TNS1: variants seen among roughly 807,000 people sequenced by gnomAD.
TNS1 encodes the protein tensin-1.
Under a neutral mutation model 168.6 loss-of-function variants are expected in TNS1, and 62 were observed. The observed-to-expected ratio is 0.37, with a 90% CI of 0.30 to 0.45. The LOEUF (loss-of-function observed/expected upper bound fraction) is 0.45, where lower values mean the gene tolerates loss of function less well. Among genes scored for constraint, TNS1 ranks in the 20% least tolerant of loss-of-function variants. The probability of loss-of-function intolerance (pLI) is 1.00; values close to 1 mark genes in which losing one functional copy is unlikely to be tolerated. For synonymous variants in TNS1, 934 were observed against 933.2 expected (o/e 1.00, Z -0.02); for missense variants, 2,240 against 2,339.4 (o/e 0.96, Z 0.88).
chr2:217,968,716 T>A lies in TNS1; in HGVS notation c.186+10049A>T, dbSNP rs186981668. On this transcript the variant is annotated intron_variant, in intron 3 of 32. Coordinates refer to ENST00000682258, the MANE Select transcript of TNS1 (RefSeq NM_001387777.1). Reference sequence around the variant, plus strand: ...TGGTGTTTTTTGTTTCCTGTTTTGATCAAAGTCTCACTCTGTCACCCAGGC... The same window carrying A: ...TGGTGTTTTTTGTTTCCTGTTTTGAACAAAGTCTCACTCTGTCACCCAGGC... Among the ~76,000 whole-genome samples the A allele has an allele frequency of 3.9e-3, 592 of 152,222 alleles. 14 individuals are homozygous for A. The highest frequency in any genetic ancestry group is 8.4e-4 in the Non-Finnish European group (57 of 68,000).
At chr2:217,835,777 C>G (rs562510464) in intron 20 of TNS1, among the ~76,000 whole-genome samples, 30 of 152,298 alleles carry the variant, frequency 2.0e-4, no homozygotes, top group African/African-American at 7.2e-4. Context: ...TTAAGGCACT[C>G]TCTCTAGGAA....
At position 217,906,388 on chromosome 2, in the gene TNS1, GCAGA is replaced by G. The variant is rs1438554596; in HGVS notation, c.271-7_271-4del. ...CCACCCCGGGAGGCTCCTTCTCCCT[GCAGA>G]CAGAGAAAAGGCAGTCAGAGAGGGG... is the stretch of plus-strand genomic sequence containing the variant. On this transcript the variant is annotated splice_region_variant and splice_polypyrimidine_tract_variant and intron_variant, in intron 5 of 32. Transcript: ENST00000682258. The G allele has an allele frequency of 1.4e-6, 1 of 702,152 alleles. No homozygotes were observed. Among genetic ancestry groups the G allele is most frequent in the East Asian group, 2.7e-5 (1 of 37,246 alleles). The allele number at this position is 702,152 out of a possible 1,614,324, so 43.5% of individuals were successfully genotyped here.
Position 217,829,682 on chromosome 2 carries a change from T to C in TNS1, c.3373+1773A>G, listed in dbSNP as rs546355732. Among the ~76,000 whole-genome samples, 5 of 152,122 alleles carry C rather than the reference T, an allele frequency of 3.3e-5. No homozygotes were observed. The East Asian group carries it at 9.7e-4, about 30-fold the overall frequency. On this transcript the variant is annotated intron_variant, in intron 22 of 32. Transcript: ENST00000682258. Reference sequence around the variant, plus strand: ...ATCAGGACTCAGGAGGTGTCCAGGGTGGTATCTCATCACCAAGCGTTGGGG... The same window carrying C: ...ATCAGGACTCAGGAGGTGTCCAGGGCGGTATCTCATCACCAAGCGTTGGGG...
chr2:217,866,996 G>C (rs1018346144), intron 18 of TNS1, among the ~76,000 whole-genome samples: 3 of 152,230 alleles, frequency 2.0e-5, no homozygotes, highest in Non-Finnish European at 4.4e-5. Context: ...AATGGTGGGT[G>C]TCAGAATCCA....
chr2:217,959,924 G>C (rs1957457122), intron 3 of TNS1, among the ~76,000 whole-genome samples: 1 of 152,148 alleles, frequency 6.6e-6, no homozygotes. Context: ...CTGAGGTCAG[G>C]CCCTATTCAG....
intron 4 of TNS1, among the ~76,000 whole-genome samples, chr2:217,916,638 C>A (rs899593907): frequency 6.6e-6 from 1 of 152,198 alleles, no homozygotes; most frequent in Non-Finnish European, 1.5e-5. Context: ...TCCCTTCTAC[C>A]CAAGGCCTTG....
intron 3 of TNS1, among the ~76,000 whole-genome samples, chr2:217,978,070 T>C (rs1957938445): frequency 1.3e-5 from 2 of 152,122 alleles, no homozygotes; most frequent in South Asian, 2.1e-4. Flanking sequence ...ATGACTCCTG[T>C]GTCCAAACCT....
In TNS1 at chr2:217,810,231, T is replaced by G. The variant is rs370982132; in HGVS notation, c.5104+17A>C. On this transcript the variant is annotated intron_variant, in intron 29 of 32. Coordinates refer to ENST00000682258, the MANE Select transcript of TNS1 (RefSeq NM_001387777.1). Reference sequence around the variant, plus strand: ...AGAGAGGCCTGGGCATGGGTACAGTTTCAGGTGACCACTCACCTGCCCCTT... The same window carrying G: ...AGAGAGGCCTGGGCATGGGTACAGTGTCAGGTGACCACTCACCTGCCCCTT... 7.3e-5 allele frequency: 118 copies of G among 1,613,256 alleles called. No homozygotes were observed. In the African/African-American group the frequency reaches 1.5e-3, roughly 20 times the overall value.
At position 218,002,917 on chromosome 2, in the gene TNS1, A is replaced by G; in HGVS notation, c.-45T>C. On this transcript the variant is annotated 5_prime_UTR_variant, in exon 1 of 33. Transcript: ENST00000682258. ...TGAGGCACGCCCAGGGCCTGTGAAG[A>G]GCCCCTGAAGCTAGAGTCCCCGCGG... 1 of 456,602 alleles carries G rather than the reference A, an allele frequency of 2.2e-6. No homozygotes were observed. The highest frequency in any genetic ancestry group is 4.4e-6 in the Non-Finnish European group (1 of 226,922). 28.3% of individuals were successfully genotyped at this position (456,602 alleles called of 1,614,324 possible).
chr2:217,836,041 G>C lies in TNS1; in HGVS notation c.3178C>G (p.Leu1060Val), dbSNP rs1304192132. The C allele has an allele frequency of 3.7e-6, 6 of 1,613,866 alleles. No individual in the cohort carries two copies. The highest frequency in any genetic ancestry group is 1.6e-4 in the Middle Eastern group (1 of 6,078). ...VSPELALTIA[L>V]NPGGRPKEPH... is the part of the protein sequence containing the mutation. ...TCTTTGGGCCGCCCTCCAGGATTGAGAGCGATGGTAAGAGCCAGCTCCGGG... is the reference window on the plus strand; with the variant it reads ...TCTTTGGGCCGCCCTCCAGGATTGACAGCGATGGTAAGAGCCAGCTCCGGG... The change falls in exon 20 of 33, where the codon CTC becomes GTC. Residue 1060 changes from leucine to valine, a missense_variant. Around this residue, in one of 2 missense-constraint regions of TNS1, gnomAD observed 2,131 missense variants for 2,171.2 expected, o/e 0.98. Transcript: ENST00000682258.
chr2:217,992,887 A>C (rs1440264604), intron 1 of TNS1, among the ~76,000 whole-genome samples: 2 of 152,228 alleles, frequency 1.3e-5, no homozygotes, highest in Non-Finnish European at 2.9e-5. Context: ...ATCAAAATAC[A>C]TGATGATAGG....
At chr2:217,883,293 C>A (rs973079797) in intron 16 of TNS1, among the ~76,000 whole-genome samples, 3 of 152,142 alleles carry the variant, frequency 2.0e-5, no homozygotes, top group African/African-American at 7.2e-5. Context: ...GAGACCAGGT[C>A]TCACTCTGTT....
chr2:217,823,529 G>C (rs1047339433), intron 22 of TNS1, among the ~76,000 whole-genome samples: 5 of 152,296 alleles, frequency 3.3e-5, no homozygotes, highest in African/African-American at 1.2e-4. Flanking sequence ...AGTGGCTTCT[G>C]GGGTGGCCCT....
chr2:218,018,196 C>T (rs1958779193), intron 1 of TNS1, among the ~76,000 whole-genome samples: 1 of 152,160 alleles, frequency 6.6e-6, no homozygotes, highest in Non-Finnish European at 1.5e-5. Context: ...CAGGCTAGGA[C>T]TAAAGCAAAA....
intron 3 of TNS1, among the ~76,000 whole-genome samples, chr2:217,938,443 C>T (rs1408802736): frequency 6.6e-6 from 1 of 152,226 alleles, no homozygotes; most frequent in African/African-American, 2.4e-5. Context: ...ATATGGCATG[C>T]AGGAAGAGTG....
chr2:217,961,260 C>CACACAGAGAG (rs1553620892), intron 3 of TNS1, among the ~76,000 whole-genome samples: 1 of 139,924 alleles, frequency 7.1e-6, no homozygotes, highest in African/African-American at 2.9e-5. Context: ...CACACACACA[C>CACACAGAGAG]AGAGAGAGAG....
intron 3 of TNS1, among the ~76,000 whole-genome samples, chr2:217,973,941 A>C (rs1200672583): frequency 1.3e-5 from 2 of 152,266 alleles, no homozygotes; most frequent in Non-Finnish European, 2.9e-5. Flanking sequence ...AATGGAATAC[A>C]ACATAGCAAT....
intron 15 of TNS1, 28 bp from the exon 16 acceptor site, chr2:217,885,192 C>CAGGG (rs1951076033): frequency 6.2e-7 from 1 of 1,613,734 alleles, no homozygotes; most frequent in African/African-American, 1.3e-5. Context: ...CAGAACCAGT[C>CAGGG]AGGGGCCTGA....
intron 3 of TNS1, among the ~76,000 whole-genome samples, chr2:217,959,220 T>G (rs1039525020): frequency 4.6e-5 from 7 of 152,240 alleles, no homozygotes; most frequent in Non-Finnish European, 7.3e-5. Flanking sequence ...CTGCTAAAAC[T>G]GGAATGGTAG....
Sources: gnomAD v4.1 joint callset for allele counts (sites outside exome capture counted in the v4.1 genomes callset) on GRCh38, gnomAD v4.1.1 for gene constraint, gnomAD v4.1.1 regional missense constraint, MANE v1.5 for transcripts, NCBI Gene and HGNC (gene_info 2026-07-23, HGNC 2026-07-21) for gene names.